Variants in ARMC9 observed in about 807,000 individuals in gnomAD.
ARMC9 encodes armadillo repeat containing 9, also known as lisH domain-containing protein ARMC9.
In ARMC9, 94 loss-of-function variants were observed where a neutral mutation model predicts 107.0. The ratio of observed to expected loss-of-function variants is 0.88; its 90% CI spans 0.74 to 1.04. The LOEUF (loss-of-function observed/expected upper bound fraction) is 1.04, where lower values mean the gene tolerates loss of function less well. ARMC9 is among the 50% of genes least tolerant of loss of function. ARMC9 has a pLI of 0.00. For missense variants in ARMC9, 942 were observed against 1,030.1 expected (o/e 0.91, Z 1.17); for synonymous variants, 380 against 396.9 (o/e 0.96, Z 0.51).
rs2043901928 is a variant in ARMC9 at position 231,333,777 on chromosome 2, C to T, written c.1878+1880C>T. Among the ~76,000 whole-genome samples, 2 of 152,226 alleles carry T rather than the reference C, an allele frequency of 1.3e-5. 1 individual carries two copies. Among genetic ancestry groups the T allele is most frequent in the South Asian group, 4.1e-4 (2 of 4,832 alleles). On this transcript the variant is annotated intron_variant, in intron 20 of 24. Transcript: ENST00000611582. ...CTGACCACACTACCGCACAGACAGA[C>T]ACGCAGGCACGTAAACATGAGCAAG...
At chr2:231,323,277 C>T (rs537915211) in intron 19 of ARMC9, among the ~76,000 whole-genome samples, 128 of 152,330 alleles carry the variant, frequency 8.4e-4, no homozygotes, top group African/African-American at 2.8e-3. Context: ...GAGGGTGCCT[C>T]TTGGCCTCAC....
Position 231,376,065 on chromosome 2 carries a change from C to T in ARMC9, c.*4530C>T, listed in dbSNP as rs1028087561. On this transcript the variant is annotated 3_prime_UTR_variant, in exon 25 of 25. Coordinates refer to ENST00000611582, the MANE Select transcript of ARMC9 (RefSeq NM_001352754.2). ...ACACTTATCACTTCCCCAGTCAATA[C>T]CCTTGTGATTTCCTATGCCTGTCTT... is the stretch of plus-strand genomic sequence containing the variant. Among the ~76,000 whole-genome samples, 2 of 152,176 alleles carry T rather than the reference C, an allele frequency of 1.3e-5. No individual in the cohort carries two copies. The highest frequency in any genetic ancestry group is 3.8e-4 in the East Asian group (2 of 5,206).
chr2:231,329,600 C>G (rs946742978), intron 19 of ARMC9, among the ~76,000 whole-genome samples: 1 of 152,184 alleles, frequency 6.6e-6, no homozygotes. Context: ...TGAGCCACCG[C>G]GCCCGGCAGA....
intron 20 of ARMC9, 102 bp downstream of exon 20, chr2:231,331,999 T>C (rs1002328234): frequency 1.0e-6 from 1 of 962,692 alleles, no homozygotes. Flanking sequence ...TTTGGTTTGT[T>C]ACCATACTGT....
intron 23 of ARMC9, among the ~76,000 whole-genome samples, chr2:231,365,418 A>C (rs140184883): frequency 1.3e-3 from 203 of 152,264 alleles, no homozygotes; most frequent in African/African-American, 4.7e-3. Flanking sequence ...CTGTGTTTGC[A>C]ATGCTGCTGA....
At chr2:231,296,727 A>C (rs1309140695) in intron 19 of ARMC9, among the ~76,000 whole-genome samples, 2 of 152,156 alleles carry the variant, frequency 1.3e-5, no homozygotes, top group African/African-American at 4.8e-5. Flanking sequence ...GTGTTTCCTC[A>C]GCTGTGAAAA....
chr2:231,337,303 T>C (rs2044180851), intron 20 of ARMC9, among the ~76,000 whole-genome samples: 1 of 127,494 alleles, frequency 7.8e-6, no homozygotes, highest in Non-Finnish European at 1.6e-5. Context: ...TTTTTTTTTT[T>C]TTTTTTTTTT....
At chr2:231,247,839 G>C (rs1262859326) in intron 9 of ARMC9, among the ~76,000 whole-genome samples, 1 of 152,198 alleles carries the variant, frequency 6.6e-6, no homozygotes, top group East Asian at 1.9e-4. Flanking sequence ...ACTGAGGCAC[G>C]AGAATCACTT....
intron 17 of ARMC9, among the ~76,000 whole-genome samples, chr2:231,290,522 A>C (rs2040914387): frequency 6.6e-6 from 1 of 152,192 alleles, no homozygotes; most frequent in African/African-American, 2.4e-5. Flanking sequence ...CATTATTAGA[A>C]GCACTTTCCC....
chr2:231,340,522 A>G (rs746907114), intron 20 of ARMC9, among the ~76,000 whole-genome samples: 1 of 152,224 alleles, frequency 6.6e-6, no homozygotes, highest in Non-Finnish European at 1.5e-5. Flanking sequence ...GACCATTCCT[A>G]CACCAGGACA....
intron 14 of ARMC9, among the ~76,000 whole-genome samples, chr2:231,273,333 A>T (rs1028838738): frequency 6.6e-6 from 1 of 152,188 alleles, no homozygotes; most frequent in African/African-American, 2.4e-5. Context: ...GCCATGCAGG[A>T]TTGTGTCTCA....
At chr2:231,231,285 C>G (rs752533722) in intron 7 of ARMC9, among the ~76,000 whole-genome samples, 4 of 152,126 alleles carry the variant, frequency 2.6e-5, no homozygotes. Flanking sequence ...CCAATACTTA[C>G]GACTGCAATA....
chr2:231,254,004 A>G (rs141926079), intron 9 of ARMC9, among the ~76,000 whole-genome samples: 4 of 152,282 alleles, frequency 2.6e-5, no homozygotes, highest in Non-Finnish European at 4.4e-5. Context: ...TTACTGATGG[A>G]AGCATTTTGA....
At chr2:231,280,831 A>T (rs1030774915) in intron 16 of ARMC9, among the ~76,000 whole-genome samples, 1 of 152,186 alleles carries the variant, frequency 6.6e-6, no homozygotes, top group African/African-American at 2.4e-5. Context: ...ATGACTAGAC[A>T]GTTCACAGAA....
chr2:231,345,798 G>T (rs914426175), intron 21 of ARMC9, among the ~76,000 whole-genome samples: 5 of 152,210 alleles, frequency 3.3e-5, no homozygotes, highest in African/African-American at 1.2e-4. Flanking sequence ...AATAATGGCC[G>T]TGTAATTTTT....
chr2:231,285,165 T>C lies in ARMC9; in HGVS notation c.1626+3032T>C, dbSNP rs532432533. Among the ~76,000 whole-genome samples, 3 of 151,880 alleles carry C rather than the reference T, an allele frequency of 2.0e-5. No homozygotes were observed. In the East Asian group the frequency reaches 5.8e-4, roughly 29 times the overall value. Reference sequence around the variant, plus strand: ...GTGAGCCAAGATCATGCCATTGCACTCCAGCCTGGGTAACAGAGCAAGACT... The same window carrying C: ...GTGAGCCAAGATCATGCCATTGCACCCCAGCCTGGGTAACAGAGCAAGACT... On this transcript the variant is annotated intron_variant, in intron 17 of 24. Coordinates refer to ENST00000611582, the MANE Select transcript of ARMC9 (RefSeq NM_001352754.2).
At chr2:231,222,635 G>T (rs907422458) in intron 5 of ARMC9, 93 bp from the exon 6 acceptor site, 2 of 679,738 alleles carry the variant, frequency 2.9e-6, no homozygotes, top group Admixed American at 3.1e-5. Context: ...TTCAATCACT[G>T]TGCAGGGTTT....
intron 14 of ARMC9, among the ~76,000 whole-genome samples, chr2:231,275,722 G>A (rs1185854172): frequency 6.6e-6 from 1 of 152,224 alleles, no homozygotes; most frequent in East Asian, 1.9e-4. Flanking sequence ...GGAAGGTTGA[G>A]GCAGGCAGAT....
intron 1 of ARMC9, among the ~76,000 whole-genome samples, chr2:231,199,317 C>T (rs776166529): frequency 1.3e-5 from 2 of 152,250 alleles, no homozygotes; most frequent in Non-Finnish European, 2.9e-5. Context: ...GTAAAAGTCA[C>T]TCAGGGAGCT....
Sources: gnomAD v4.1 joint callset for allele counts (sites outside exome capture counted in the v4.1 genomes callset) on GRCh38, gnomAD v4.1.1 for gene constraint, MANE v1.5 for transcripts, NCBI Gene and HGNC (gene_info 2026-07-23, HGNC 2026-07-21) for gene names.